INTS1: variants seen among roughly 807,000 people sequenced by gnomAD.
INTS1 encodes integrator complex subunit 1.
Under a neutral mutation model 241.6 loss-of-function variants are expected in INTS1, and 137 were observed. That is an observed-to-expected ratio of 0.57 (90% CI 0.49 to 0.65). The LOEUF is 0.65. Ranked by LOEUF, INTS1 falls within the 30% of genes least tolerant of loss-of-function variation. The probability of loss-of-function intolerance (pLI) is 0.00; values close to 1 mark genes in which losing one functional copy is unlikely to be tolerated. For missense variants in INTS1, 3,073 were observed against 3,032.2 expected (o/e 1.01, Z -0.32); for synonymous variants, 1,692 against 1,337.8 (o/e 1.26, Z -5.78).
rs1480768567 is a variant in INTS1, at chr7:1,482,702, C to CACA, written c.3546_3547insTGT (p.Asp1182_Asp1183insCys). The stretch of plus-strand genomic sequence containing the variant: ...TCCAGCAGCGCCTGGAACTCGCTGT[C>CACA]GTCGGCTTCAGGAAGGACAACGGGT... On this transcript the variant is annotated inframe_insertion, in exon 27 of 48. Transcript: ENST00000404767. The CACA allele has an allele frequency of 1.9e-6, 3 of 1,612,430 alleles. No homozygotes were observed. The highest frequency in any genetic ancestry group is 1.7e-6 in the Non-Finnish European group (2 of 1,179,744).
rs1322432879 is a variant in INTS1, at chr7:1,498,959, C to CGA, written c.1137+15_1137+16insTC. On this transcript the variant is annotated intron_variant, in intron 8 of 47. Coordinates refer to ENST00000404767, the MANE Select transcript of INTS1 (RefSeq NM_001080453.3). ...CCACCCCCTGCCCCGCCCACCCCCC[C>CGA]GGGGCGCCCCCGCACCTTGGGGTTC... The CGA allele has an allele frequency of 8.7e-6, 13 of 1,488,816 alleles. No homozygotes were observed. The highest frequency in any genetic ancestry group is 1.6e-5 in the African/African-American group (1 of 62,560). 92.2% of individuals were successfully genotyped at this position (1,488,816 alleles called of 1,614,324 possible). A position where few individuals can be genotyped will look rare whatever the true frequency, so the allele number is the denominator to read the frequency against.
In INTS1 at chr7:1,489,226, A is replaced by T. The variant is rs559712477; in HGVS notation, c.2318+118T>A. 7.7e-5 allele frequency: 11 copies of T among 142,376 alleles called. No homozygotes were observed. In the African/African-American group the frequency reaches 1.1e-3, roughly 14 times the overall value. 8.8% of individuals were successfully genotyped at this position (142,376 alleles called of 1,614,324 possible). On this transcript the variant is annotated intron_variant, in intron 18 of 47. Coordinates refer to ENST00000404767, the MANE Select transcript of INTS1 (RefSeq NM_001080453.3). Reference sequence around the variant, plus strand: ...GAAGCTCAGGTCCATGAGTCAACAGAAGATGCTAAGATGCTGATGCAGCAC... The same window carrying T: ...GAAGCTCAGGTCCATGAGTCAACAGTAGATGCTAAGATGCTGATGCAGCAC...
intron 13 of INTS1, 101 bp from the exon 14 acceptor site, chr7:1,494,994 C>CAA (rs1237340301): frequency 2.2e-6 from 3 of 1,393,910 alleles, no homozygotes; most frequent in African/African-American, 1.4e-5. Flanking sequence ...CCCCAGCGCT[C>CAA]AGAGGCCGGG....
rs758053978 is a variant in INTS1, at chr7:1,487,029, C to G, written c.2719G>C (p.Val907Leu). Residue 907 changes from valine (V) to leucine (L), a missense_variant, in exon 21 of 48, where the codon GTG becomes CTG. Coordinates refer to ENST00000404767, the MANE Select transcript of INTS1 (RefSeq NM_001080453.3). ...SSEGSLDVLP[V>L]QCLCEFLLHD... ...AGCAGGAACTCGCACAGACACTGCA[C>G]GGGCAGCACGTCCAGGGAGCCCTCG... 1 of 1,594,192 alleles carries G rather than the reference C, an allele frequency of 6.3e-7. No individual in the cohort carries two copies. Among genetic ancestry groups the G allele is most frequent in the South Asian group, 1.1e-5 (1 of 88,956 alleles).
At chr7:1,489,525 A>C in intron 17 of INTS1, 66 bp downstream of exon 17, 1 of 1,525,822 alleles carries the variant, frequency 6.6e-7, no homozygotes, top group East Asian at 2.4e-5. Flanking sequence ...CAACAGACAA[A>C]CTGCCCCAAA....
At chr7:1,478,219 G>A in intron 33 of INTS1, 147 bp downstream of exon 33, 1 of 907,910 alleles carries the variant, frequency 1.1e-6, no homozygotes, top group South Asian at 1.7e-5. Context: ...CCCGCCCTGA[G>A]CCATCTGGGA....
rs1206456154 is a variant in INTS1, at chr7:1,486,741, G to A, written c.2860C>T (p.Leu954=). Residue 954 remains leucine (L), a synonymous_variant, in exon 22 of 48, where the codon CTG becomes TTG. Transcript: ENST00000404767. ...TTCGGGCCCAGTAGCAGGTCCTGCAGGCGGCCCAGCAGCTGCCGCTGCTTC... is the reference window on the plus strand; with the variant it reads ...TTCGGGCCCAGTAGCAGGTCCTGCAAGCGGCCCAGCAGCTGCCGCTGCTTC... ...QQKQRQLLGR[L]QDLLLGPKAD... is the part of the protein sequence containing the mutation. 3 of 1,611,510 alleles carry A rather than the reference G, an allele frequency of 1.9e-6. No individual in the cohort carries two copies. Among genetic ancestry groups the A allele is most frequent in the East Asian group, 2.2e-5 (1 of 44,878 alleles).
At chr7:1,478,105 CGGCCGGGGCTGGAGAGTGCGGCCGG>C (rs1406572883) in intron 33 of INTS1, among the ~76,000 whole-genome samples, 169 bp from the exon 34 acceptor site, 1 of 148,116 alleles carries the variant, frequency 6.8e-6, no homozygotes, top group Non-Finnish European at 1.5e-5. Context: ...GAGGAGAGTG[CGGCCGGGGCTGGAGAGTGCGGCCGG>C]GGCCGGGGCT....
Position 1,470,858 on chromosome 7 carries a change from G to A in INTS1, c.6445C>T (p.Leu2149Phe), listed in dbSNP as rs920564883. 5 of 1,590,714 alleles carry A rather than the reference G, an allele frequency of 3.1e-6. No individual in the cohort carries two copies. The South Asian group carries it at 3.4e-5, about 11-fold the overall frequency. The change falls in exon 47 of 48, where the codon CTC (leucine) becomes TTC (phenylalanine). Residue 2149 changes from leucine (L) to phenylalanine (F), a missense_variant. Transcript: ENST00000404767. Reference sequence around the variant, plus strand: ...GGCCAGTCCTCACCTTGGCACAGGAGAGCGTACTCAGGCAGGTTCCGGAGG... The same window carrying A: ...GGCCAGTCCTCACCTTGGCACAGGAAAGCGTACTCAGGCAGGTTCCGGAGG... ...TALRNLPEYA[L>F]LCQEHAAVLL...
In INTS1 at chr7:1,480,891, G is replaced by A. The variant is rs1171858023; in HGVS notation, c.3893C>T (p.Ala1298Val). Residue 1298 changes from alanine to valine, a missense_variant, in exon 29 of 48, where the codon GCC becomes GTC. Transcript: ENST00000404767. Reference protein sequence around the residue: ...HLVEVQHERGASGGQTFHSLL... With the variant: ...HLVEVQHERGVSGGQTFHSLL... Reference sequence around the variant, plus strand: ...GGAGTGGAAAGTCTGGCCTCCGGAGGCGCCGCGCTCATGCTGGACCTCCAC... The same window carrying A: ...GGAGTGGAAAGTCTGGCCTCCGGAGACGCCGCGCTCATGCTGGACCTCCAC... 1.9e-6 allele frequency: 3 copies of A among 1,560,586 alleles called. No individual in the cohort carries two copies. Among genetic ancestry groups the A allele is most frequent in the Middle Eastern group, 1.8e-4 (1 of 5,558 alleles).
At chr7:1,500,549 C>T (rs531165592) in intron 3 of INTS1, among the ~76,000 whole-genome samples, 183 bp from the exon 4 acceptor site, 1 of 152,298 alleles carries the variant, frequency 6.6e-6, no homozygotes, top group East Asian at 1.9e-4. Context: ...CCCCTTAATA[C>T]AACAGGCTGC....
Position 1,504,327 on chromosome 7 carries a change from G to C in INTS1, c.-46C>G. 1.9e-6 allele frequency: 1 copy of C among 525,074 alleles called. No homozygotes were observed. Among genetic ancestry groups the C allele is most frequent in the Non-Finnish European group, 3.6e-6 (1 of 275,414 alleles). 32.5% of individuals were successfully genotyped at this position (525,074 alleles called of 1,614,324 possible). ...CCCAGGCCGCGGCTCACTTACCTCTGGCCCATCGCGACCGGAGCGCCGCCG... is the reference window on the plus strand; with the variant it reads ...CCCAGGCCGCGGCTCACTTACCTCTCGCCCATCGCGACCGGAGCGCCGCCG... On this transcript the variant is annotated 5_prime_UTR_variant, in exon 1 of 48. Transcript: ENST00000404767.
rs767283781 is a variant in INTS1 at position 1,497,165 on chromosome 7, C to T, written c.1575G>A (p.Glu525=). 1 of 1,608,790 alleles carries T rather than the reference C, an allele frequency of 6.2e-7. No individual in the cohort carries two copies. Residue 525 remains glutamate (E), a synonymous_variant, in exon 11 of 48, where the codon GAG becomes GAA. Transcript: ENST00000404767. This position sits in a 1 kb window ranked among gnomAD's most constrained non-coding sequence, Gnocchi z 5.3. ...TGAACTCCATCTCCAGGTACTGCGG[C>T]TCCTTGCGCTCCTGCATGAGCCCCA... ...FCLGLMQERK[E]PQYLEMEFKE...
At chr7:1,475,782 TAAAACTCAACGCAGAC>T (rs1781686817) in intron 39 of INTS1, among the ~76,000 whole-genome samples, 150 bp downstream of exon 39, 2 of 152,208 alleles carry the variant, frequency 1.3e-5, no homozygotes, top group Non-Finnish European at 2.9e-5. Context: ...TCCCTCGGTA[TAAAACTCAACGCAGAC>T]AAACCCACAG....
chr7:1,473,726 C>A, intron 41 of INTS1, 33 bp from the exon 42 acceptor site: 2 of 1,611,358 alleles, frequency 1.2e-6, no homozygotes, highest in South Asian at 1.1e-5. Flanking sequence ...TCGAGCTGCT[C>A]TGCCCCGCAG....
Position 1,470,734 on chromosome 7 carries a change from C to T in INTS1, c.6458-42G>A, listed in dbSNP as rs368376204. 255 of 1,490,086 alleles carry T rather than the reference C, an allele frequency of 1.7e-4. 1 individual carries two copies. In the Middle Eastern group the frequency reaches 1.8e-3, roughly 10 times the overall value. 92.3% of individuals were successfully genotyped at this position (1,490,086 alleles called of 1,614,324 possible). ...GCCCTGCACGTCACGCTGGCCACAA[C>T]ATCCTGGCCGCAGTGACCAGACCTC... On this transcript the variant is annotated intron_variant, in intron 47 of 47. Transcript: ENST00000404767.
chr7:1,503,908 G>A lies in INTS1; in HGVS notation c.53C>T (p.Pro18Leu). Reference protein sequence around the residue: ...TVRRPSAAAKPSGHPPPGDFI... With the variant: ...TVRRPSAAAKLSGHPPPGDFI... ...GAGCGAGGAGGGAGACGCACCTGAG[G>A]GTTTGGCCGCGGCGCTGGGCCGGCG... Residue 18 changes from proline (P) to leucine (L), a missense_variant, in exon 2 of 48, where the codon CCC (proline) becomes CTC (leucine). Coordinates refer to ENST00000404767, the MANE Select transcript of INTS1 (RefSeq NM_001080453.3). The A allele has an allele frequency of 6.4e-7, 1 of 1,567,210 alleles. No homozygotes were observed. The highest frequency in any genetic ancestry group is 8.6e-7 in the Non-Finnish European group (1 of 1,157,114).
rs576051952 is a variant in INTS1, at chr7:1,488,193, C to T, written c.2319-236G>A. On this transcript the variant is annotated intron_variant, in intron 18 of 47. Transcript: ENST00000404767. ...ACTGCCTCGTCCTCCGCAGGCAGCA[C>T]GCCTGCCCTCACCAGAGCCAAGGCC... 2.5e-3 allele frequency among the ~76,000 whole-genome samples: 388 copies of T among 152,286 alleles called. 1 individual carries two copies. The highest frequency in any genetic ancestry group is 0.02 in the Middle Eastern group (6 of 294).
In INTS1 at chr7:1,473,644, A is replaced by C; in HGVS notation, c.5879T>G (p.Val1960Gly). The change falls in exon 42 of 48, where the codon GTG becomes GGG. Residue 1960 changes from valine (V) to glycine (G), a missense_variant. Transcript: ENST00000404767. Reference sequence around the variant, plus strand: ...GGTAATGTACTTATGGATGAACTGCACAAACTTGTTGATGAAGGCAGCCAG... The same window carrying C: ...GGTAATGTACTTATGGATGAACTGCCCAAACTTGTTGATGAAGGCAGCCAG... ...RHLAAFINKF[V>G]QFIHKYITYN... is the part of the protein sequence containing the mutation. 1 of 1,613,440 alleles carries C rather than the reference A, an allele frequency of 6.2e-7. No individual in the cohort carries two copies. Among genetic ancestry groups the C allele is most frequent in the Non-Finnish European group, 8.5e-7 (1 of 1,179,798 alleles).
Sources: allele counts gnomAD v4.1 joint callset (sites outside exome capture counted in the v4.1 genomes callset), GRCh38; gene constraint gnomAD v4.1.1; non-coding constraint Gnocchi (gnomAD v3.1); transcripts MANE v1.5; gene names NCBI Gene and HGNC (gene_info 2026-07-23, HGNC 2026-07-21).